Variants in FRMD4A observed in about 807,000 individuals in gnomAD.
FRMD4A encodes FERM domain containing 4A.
FRMD4A carries 29 observed loss-of-function variants against 129.1 expected under a neutral mutation model. The ratio of observed to expected loss-of-function variants is 0.22; its 90% CI spans 0.17 to 0.31. The LOEUF is 0.31. Among genes scored for constraint, FRMD4A ranks in the 10% least tolerant of loss-of-function variants. The pLI, the probability that FRMD4A is intolerant of heterozygous loss-of-function variation, is 1.00. For missense variants in FRMD4A, 1,272 were observed against 1,375.8 expected (o/e 0.92, Z 1.19); for synonymous variants, 634 against 571.6 (o/e 1.11, Z -1.56).
At chr10:14,017,702 T>C (rs563174639) in intron 2 of FRMD4A, among the ~76,000 whole-genome samples, 17 of 152,332 alleles carry the variant, frequency 1.1e-4, no homozygotes, top group Non-Finnish European at 2.1e-4. Context: ...GGCCATCAGA[T>C]TCCTTTCGCT....
chr10:13,679,450 A>T (rs1241187080), intron 15 of FRMD4A, among the ~76,000 whole-genome samples: 37 of 45,336 alleles, frequency 8.2e-4, no homozygotes, highest in African/African-American at 3.0e-3. Context: ...AAAAAAAAAA[A>T]AAAAAAAAAA....
intron 2 of FRMD4A, among the ~76,000 whole-genome samples, chr10:14,100,639 A>G (rs946310698): frequency 6.6e-6 from 1 of 152,140 alleles, no homozygotes; most frequent in African/African-American, 2.4e-5. Flanking sequence ...TCAATATGAG[A>G]AAAGCCAATC....
chr10:13,725,667 C>T (rs373287536), intron 12 of FRMD4A, among the ~76,000 whole-genome samples: 14 of 152,262 alleles, frequency 9.2e-5, no homozygotes, highest in African/African-American at 2.9e-4. Flanking sequence ...AGACCAGTCT[C>T]GGGATGGCCT....
intron 19 of FRMD4A, 99 bp from the exon 20 acceptor site, chr10:13,660,652 C>T (rs536191605): frequency 2.2e-5 from 16 of 721,126 alleles, no homozygotes; most frequent in South Asian, 2.1e-4. Flanking sequence ...TGGAGCCACA[C>T]AGCCAAACCC....
intron 2 of FRMD4A, among the ~76,000 whole-genome samples, chr10:14,093,004 A>G (rs1410122480): frequency 1.3e-5 from 2 of 152,178 alleles, no homozygotes; most frequent in Admixed American, 6.5e-5. Flanking sequence ...GCCCAAGAGC[A>G]TTCAGCTGGA....
chr10:14,075,446 C>T (rs1835533554), intron 2 of FRMD4A, among the ~76,000 whole-genome samples: 1 of 152,128 alleles, frequency 6.6e-6, no homozygotes. Flanking sequence ...ATTACGTAGC[C>T]TTCCTGGGCA....
At chr10:14,109,554 A>G (rs764468820) in intron 2 of FRMD4A, among the ~76,000 whole-genome samples, 4 of 152,228 alleles carry the variant, frequency 2.6e-5, no homozygotes, top group Non-Finnish European at 4.4e-5. Context: ...CCGCAGAACA[A>G]AATACATAAT....
chr10:14,174,841 T>G (rs1401680944), intron 2 of FRMD4A, among the ~76,000 whole-genome samples: 3 of 151,672 alleles, frequency 2.0e-5, no homozygotes, highest in African/African-American at 7.3e-5. Context: ...ACTCTGATCC[T>G]GAATAGTTGA....
intron 2 of FRMD4A, among the ~76,000 whole-genome samples, chr10:14,007,024 C>A (rs2095664615): frequency 6.6e-6 from 1 of 151,924 alleles, no homozygotes; most frequent in Admixed American, 6.6e-5. Context: ...TAGCCCCTCA[C>A]ATTTTTAAAC....
chr10:14,286,243 T>C (rs1448009832), intron 2 of FRMD4A, among the ~76,000 whole-genome samples: 1 of 152,212 alleles, frequency 6.6e-6, no homozygotes, highest in Non-Finnish European at 1.5e-5. Context: ...CTCTCAACAC[T>C]GAGAAACTCA....
intron 5 of FRMD4A, among the ~76,000 whole-genome samples, chr10:13,784,698 T>A (rs1246973448): frequency 6.6e-6 from 1 of 152,140 alleles, no homozygotes; most frequent in African/African-American, 2.4e-5. Flanking sequence ...AAAGGATTTA[T>A]CCATAATTGG....
chr10:14,266,020 G>A (rs1844965153), intron 2 of FRMD4A, among the ~76,000 whole-genome samples: 1 of 152,172 alleles, frequency 6.6e-6, no homozygotes. Context: ...GTTTAAAGGA[G>A]GAAGACTCAA....
chr10:13,847,969 T>C (rs891932610), intron 3 of FRMD4A, among the ~76,000 whole-genome samples: 14 of 152,252 alleles, frequency 9.2e-5, no homozygotes, highest in African/African-American at 3.4e-4. Flanking sequence ...ACCCCTTGGG[T>C]CCCTGTGACC....
intron 2 of FRMD4A, among the ~76,000 whole-genome samples, chr10:14,287,278 C>T (rs1026538067): frequency 4.6e-5 from 7 of 152,104 alleles, no homozygotes; most frequent in Non-Finnish European, 1.0e-4. Flanking sequence ...GAAACTGATC[C>T]CATTGCTGAG....
intron 3 of FRMD4A, among the ~76,000 whole-genome samples, chr10:13,814,075 C>T (rs551430771): frequency 9.2e-5 from 14 of 152,070 alleles, no homozygotes; most frequent in African/African-American, 3.1e-4. Flanking sequence ...TTCCTGTGCT[C>T]GAGAATGGAT....
chr10:14,266,548 T>C (rs1005820836), intron 2 of FRMD4A, among the ~76,000 whole-genome samples: 1 of 144,432 alleles, frequency 6.9e-6, no homozygotes, highest in Non-Finnish European at 1.5e-5. Flanking sequence ...TGTAGGGTTG[T>C]TTCACACAAA....
Position 13,651,993 on chromosome 10 carries a change from GAGGAGGA to G in FRMD4A, c.3051-26_3051-20del. 1.4e-6 allele frequency: 2 copies of G among 1,413,658 alleles called. No individual in the cohort carries two copies. Among genetic ancestry groups the G allele is most frequent in the Non-Finnish European group, 2.0e-6 (2 of 997,054 alleles). 87.6% of individuals were successfully genotyped at this position (1,413,658 alleles called of 1,614,324 possible). On this transcript the variant is annotated intron_variant, in intron 23 of 24. Coordinates refer to ENST00000357447, the MANE Select transcript of FRMD4A (RefSeq NM_018027.5). ...TGCTTCTCTGAACAAAGGAAAGCAG[GAGGAGGA>G]AGAGAAGAGAGGTCATGTTACAGAG...
At chr10:13,879,250 AT>A (rs2094521654) in intron 2 of FRMD4A, among the ~76,000 whole-genome samples, 1 of 152,142 alleles carries the variant, frequency 6.6e-6, no homozygotes, top group Non-Finnish European at 1.5e-5. Flanking sequence ...AAATACAAAA[AT>A]TAGCCGGGTG....
chr10:13,891,891 G>C, intron 2 of FRMD4A: 1 of 285,298 alleles, frequency 3.5e-6, no homozygotes, highest in Non-Finnish European at 5.2e-6. Flanking sequence ...GCCCGCGCCC[G>C]GCCCGCCGCA....
Sources: gnomAD v4.1 joint callset for allele counts (sites outside exome capture counted in the v4.1 genomes callset) on GRCh38, gnomAD v4.1.1 for gene constraint, MANE v1.5 for transcripts, NCBI Gene and HGNC (gene_info 2026-07-23, HGNC 2026-07-21) for gene names.